FAM81B: variants seen among roughly 807,000 people sequenced by gnomAD.
The protein encoded by FAM81B is family with sequence similarity 81 member B, also known as protein FAM81B.
In FAM81B, 60 loss-of-function variants were observed where a neutral mutation model predicts 58.7. That is an observed-to-expected ratio of 1.02 (90% CI 0.83 to 1.27). FAM81B has a LOEUF of 1.27. Among genes scored for constraint, FAM81B ranks in the 50% most tolerant of loss-of-function variants. The pLI is 0.00. For synonymous variants in FAM81B, 189 were observed against 179.6 expected, an observed-to-expected ratio of 1.05 and a Z score of -0.42; for missense variants, 491 against 522.0, an observed-to-expected ratio of 0.94 and a Z score of 0.58.
intron 8 of FAM81B, among the ~76,000 whole-genome samples, chr5:95,447,440 C>T (rs1408574996): frequency 6.6e-6 from 1 of 152,218 alleles, no homozygotes; most frequent in East Asian, 1.9e-4. Flanking sequence ...AAAGCTTTAT[C>T]ACTGGTAAGG....
intron 3 of FAM81B, among the ~76,000 whole-genome samples, chr5:95,403,325 C>T (rs1297314040): frequency 6.6e-6 from 1 of 152,042 alleles, no homozygotes; most frequent in Non-Finnish European, 1.5e-5. Context: ...AGGAACAGAG[C>T]CATTATATGT....
At chr5:95,391,584 A>G (rs747354260) in intron 1 of FAM81B, 71 bp downstream of exon 1, 11 of 1,484,884 alleles carry the variant, frequency 7.4e-6, no homozygotes, top group East Asian at 2.3e-5. Flanking sequence ...CTTATTACAT[A>G]TAAACAAAAT....
intron 3 of FAM81B, among the ~76,000 whole-genome samples, chr5:95,406,629 C>T (rs1051374242): frequency 7.2e-5 from 11 of 152,084 alleles, no homozygotes; most frequent in African/African-American, 1.9e-4. Context: ...CCTTCCTGAA[C>T]GGGGAGCTGG....
intron 3 of FAM81B, among the ~76,000 whole-genome samples, chr5:95,408,020 A>G (rs1762306297): frequency 6.6e-6 from 1 of 150,646 alleles, no homozygotes; most frequent in Admixed American, 6.6e-5. Flanking sequence ...TCAGTTCCTC[A>G]CCATGTGGAC....
At chr5:95,442,543 GT>G (rs1316706820) in intron 7 of FAM81B, among the ~76,000 whole-genome samples, 4 of 152,164 alleles carry the variant, frequency 2.6e-5, no homozygotes, top group Non-Finnish European at 5.9e-5. Context: ...AATTCATGAT[GT>G]TTCCATCTCA....
intron 7 of FAM81B, among the ~76,000 whole-genome samples, chr5:95,438,867 A>C (rs547799549): frequency 6.6e-6 from 1 of 151,124 alleles, no homozygotes; most frequent in Non-Finnish European, 1.5e-5. Flanking sequence ...AACACCAGGG[A>C]TGTAGCCATC....
intron 3 of FAM81B, chr5:95,406,366 C>T (rs1582790771): frequency 6.5e-6 from 1 of 153,292 alleles, no homozygotes; most frequent in African/African-American, 2.4e-5. Context: ...ATATTAGGTA[C>T]CATGGCTCCA....
At chr5:95,399,879 C>T (rs1020411197) in intron 3 of FAM81B, among the ~76,000 whole-genome samples, 3 of 152,046 alleles carry the variant, frequency 2.0e-5, no homozygotes, top group African/African-American at 7.3e-5. Flanking sequence ...GAGAAAAGTG[C>T]AAATGTAACA....
intron 9 of FAM81B, among the ~76,000 whole-genome samples, chr5:95,449,891 T>C (rs1441458787): frequency 6.6e-6 from 1 of 152,238 alleles, no homozygotes; most frequent in African/African-American, 2.4e-5. Context: ...TATAGAATTA[T>C]GCAATATATT....
In FAM81B at chr5:95,414,142, C is replaced by T; in HGVS notation, c.489C>T (p.His163=). The T allele has an allele frequency of 6.2e-7, 1 of 1,614,024 alleles. No individual in the cohort carries two copies. The highest frequency in any genetic ancestry group is 8.5e-7 in the Non-Finnish European group (1 of 1,179,960). The change falls in exon 4 of 10, where the codon CAC becomes CAT. Residue 163 remains histidine, a synonymous_variant. Transcript: ENST00000283357. ...ESLARKLLES[H]IQTITSIVKK... is the part of the protein sequence containing the mutation. ...TCGCCAGGAAGTTACTGGAAAGCCA[C>T]ATCCAGACCATCACCAGCATCGTCA...
At chr5:95,434,223 G>A (rs1222819522) in intron 6 of FAM81B, among the ~76,000 whole-genome samples, 1 of 152,110 alleles carries the variant, frequency 6.6e-6, no homozygotes, top group Non-Finnish European at 1.5e-5. Context: ...TTTCTTTATG[G>A]AGGCTTTGGG....
chr5:95,447,862 G>T (rs1027252718), intron 8 of FAM81B, among the ~76,000 whole-genome samples: 3 of 152,182 alleles, frequency 2.0e-5, no homozygotes, highest in African/African-American at 7.2e-5. Flanking sequence ...TGGGGCTGGG[G>T]TATGGTCCAG....
chr5:95,395,102 A>G (rs1050079947), intron 2 of FAM81B, among the ~76,000 whole-genome samples: 2 of 152,194 alleles, frequency 1.3e-5, no homozygotes, highest in Non-Finnish European at 2.9e-5. Flanking sequence ...TAAAATTAGG[A>G]TAAATCTGTC....
At position 95,407,485 on chromosome 5, in the gene FAM81B, A is replaced by G. The variant is rs531139351; in HGVS notation, c.294-6462A>G. On this transcript the variant is annotated intron_variant, in intron 3 of 9. Coordinates refer to ENST00000283357, the MANE Select transcript of FAM81B (RefSeq NM_152548.3). ...TCAGGCAATCTCATTTTCTTCACCT[A>G]AGTCTTCAACCACCATTTACTTCTC... 1.5e-4 allele frequency among the ~76,000 whole-genome samples: 23 copies of G among 152,242 alleles called. 1 individual carries two copies. In the South Asian group the frequency reaches 4.8e-3, roughly 32 times the overall value.
intron 5 of FAM81B, among the ~76,000 whole-genome samples, chr5:95,426,125 T>TATATATACAC (rs781083080): frequency 9.5e-5 from 9 of 94,284 alleles, no homozygotes; most frequent in Admixed American, 3.1e-4. Flanking sequence ...TATATATATG[T>TATATATACAC]ACACATATAT....
chr5:95,422,562 A>C (rs1294710407), intron 5 of FAM81B, among the ~76,000 whole-genome samples: 1 of 74,102 alleles, frequency 1.3e-5, no homozygotes, highest in Admixed American at 1.4e-4. Context: ...GGCTCACTGC[A>C]GCCTCTGCCT....
At chr5:95,407,261 TACACACACACACACACAC>T (rs5869678) in intron 3 of FAM81B, among the ~76,000 whole-genome samples, 2 of 143,658 alleles carry the variant, frequency 1.4e-5, no homozygotes, top group East Asian at 4.1e-4. Context: ...TGTTCTCTTT[TACACACACACACACACAC>T]ACACACACAC....
At chr5:95,410,477 G>A (rs1201608370) in intron 3 of FAM81B, among the ~76,000 whole-genome samples, 2 of 152,118 alleles carry the variant, frequency 1.3e-5, no homozygotes, top group Admixed American at 6.5e-5. Context: ...CTGCTGTCCC[G>A]AGGACATTTT....
At chr5:95,426,125 T>TATATATATATATACAC (rs781083080) in intron 5 of FAM81B, among the ~76,000 whole-genome samples, 3 of 94,304 alleles carry the variant, frequency 3.2e-5, no homozygotes, top group Non-Finnish European at 6.7e-5. Context: ...TATATATATG[T>TATATATATATATACAC]ACACATATAT....
Sources: allele counts gnomAD v4.1 joint callset (sites outside exome capture counted in the v4.1 genomes callset), GRCh38; gene constraint gnomAD v4.1.1; transcripts MANE v1.5; gene names NCBI Gene and HGNC (gene_info 2026-07-23, HGNC 2026-07-21).